WNT7B: variants seen among roughly 807,000 people sequenced by gnomAD.
WNT7B encodes the protein Wnt family member 7B.
A neutral mutation model predicts 38.2 loss-of-function variants in WNT7B; 19 were observed. That is an observed-to-expected ratio of 0.50 (90% CI 0.35 to 0.73). WNT7B has a LOEUF of 0.73. Ranked by LOEUF, WNT7B falls within the 30% of genes least tolerant of loss-of-function variation. The pLI is 0.01. For missense variants in WNT7B, 423 were observed against 507.9 expected, an observed-to-expected ratio of 0.83 and a Z score of 1.61; for synonymous variants, 243 against 209.3, an observed-to-expected ratio of 1.16 and a Z score of -1.39.
At chr22:45,956,828 C>G (rs1932073595) in intron 1 of WNT7B, among the ~76,000 whole-genome samples, 1 of 152,224 alleles carries the variant, frequency 6.6e-6, no homozygotes, top group African/African-American at 2.4e-5. Context: ...AAATCCCCGG[C>G]CAGGCGCGGT....
intron 3 of WNT7B, among the ~76,000 whole-genome samples, chr22:45,924,452 G>C (rs1412463698): frequency 1.3e-5 from 2 of 152,254 alleles, no homozygotes; most frequent in East Asian, 3.8e-4. Flanking sequence ...AAGGTGCTGC[G>C]GGAACCCAGG....
intron 1 of WNT7B, among the ~76,000 whole-genome samples, chr22:45,955,869 C>T (rs1202283753): frequency 6.6e-6 from 1 of 152,236 alleles, no homozygotes; most frequent in Non-Finnish European, 1.5e-5. Flanking sequence ...CAGAGGCCAG[C>T]AGAGGCCCAG....
intron 2 of WNT7B, among the ~76,000 whole-genome samples, chr22:45,943,964 C>A (rs1243990667): frequency 6.6e-6 from 1 of 152,180 alleles, no homozygotes; most frequent in Non-Finnish European, 1.5e-5. Flanking sequence ...CCCACGGAAC[C>A]CACGTGGGAA....
intron 2 of WNT7B, 41 bp from the exon 3 acceptor site, chr22:45,931,410 C>CAGAAGG (rs1427256505): frequency 1.3e-6 from 2 of 1,538,732 alleles, no homozygotes; most frequent in South Asian, 1.2e-5. Context: ...ACCCCAGGCC[C>CAGAAGG]TGGGCCAGGT....
intron 3 of WNT7B, 122 bp downstream of exon 3, chr22:45,930,975 AC>A: frequency 7.4e-7 from 1 of 1,351,974 alleles, no homozygotes; most frequent in Non-Finnish European, 9.8e-7. Context: ...AGACGGCCCC[AC>A]CCCCTGCACA....
At chr22:45,962,641 G>A (rs1569123917) in intron 1 of WNT7B, among the ~76,000 whole-genome samples, 1 of 152,212 alleles carries the variant, frequency 6.6e-6, no homozygotes, top group Non-Finnish European at 1.5e-5. Flanking sequence ...CCTTCCCCAG[G>A]TCTTACTCTG....
intron 3 of WNT7B, among the ~76,000 whole-genome samples, chr22:45,929,806 ACCCATCCATCTATCTT>A (rs1237262666): frequency 1.3e-5 from 2 of 149,306 alleles, no homozygotes; most frequent in South Asian, 2.1e-4. Flanking sequence ...TCAACCATCT[ACCCATCCATCTATCTT>A]CCCATGCACT....
chr22:45,965,889 C>T lies in WNT7B; in HGVS notation c.71+10795G>A, dbSNP rs1348390653. ...GAGGACAGGCAGGAAACGGGACACG[C>T]AACAGAGCCCGCCCAAGGCTGGAAA... is the stretch of plus-strand genomic sequence containing the variant. On this transcript the variant is annotated intron_variant, in intron 1 of 3. Transcript: ENST00000339464. This position sits in a 1 kb window ranked among gnomAD's most constrained non-coding sequence, Gnocchi z 6.5. 6.6e-6 allele frequency among the ~76,000 whole-genome samples: 1 copy of T among 152,192 alleles called. No homozygotes were observed. Among genetic ancestry groups the T allele is most frequent in the Non-Finnish European group, 1.5e-5 (1 of 68,044 alleles).
At chr22:45,947,584 G>A (rs531861140) in intron 2 of WNT7B, among the ~76,000 whole-genome samples, 2 of 152,322 alleles carry the variant, frequency 1.3e-5, no homozygotes, top group East Asian at 1.9e-4. Flanking sequence ...GGCAGAGCGG[G>A]GCGAGGGGGC....
intron 2 of WNT7B, among the ~76,000 whole-genome samples, chr22:45,943,091 GTGTT>G (rs1384337536): frequency 6.6e-6 from 1 of 151,782 alleles, no homozygotes; most frequent in African/African-American, 2.4e-5. Context: ...GTGTGTGCGT[GTGTT>G]TGTGTGTGTG....
At chr22:45,962,748 G>A (rs1932224591) in intron 1 of WNT7B, among the ~76,000 whole-genome samples, 1 of 152,236 alleles carries the variant, frequency 6.6e-6, no homozygotes, top group African/African-American at 2.4e-5. Flanking sequence ...CCCTAGCAAG[G>A]ATGGGAGTCC....
intron 1 of WNT7B, among the ~76,000 whole-genome samples, chr22:45,967,093 G>A (rs974190218): frequency 1.3e-5 from 2 of 152,210 alleles, no homozygotes. Context: ...AGGAAGGGGG[G>A]AGGGAGCGCA....
intron 3 of WNT7B, among the ~76,000 whole-genome samples, chr22:45,923,686 G>T (rs1475678093): frequency 1.3e-5 from 2 of 152,158 alleles, no homozygotes; most frequent in Non-Finnish European, 2.9e-5. Flanking sequence ...TTGGGGCTGT[G>T]GGACCTGCTG....
intron 2 of WNT7B, among the ~76,000 whole-genome samples, chr22:45,942,888 TGC>T (rs540790134): frequency 7.9e-4 from 119 of 151,446 alleles, no homozygotes; most frequent in African/African-American, 2.8e-3. Context: ...TGCATGTATG[TGC>T]GTGTGTGTGC....
At chr22:45,943,426 G>T (rs1228653990) in intron 2 of WNT7B, among the ~76,000 whole-genome samples, 1 of 152,270 alleles carries the variant, frequency 6.6e-6, no homozygotes, top group East Asian at 1.9e-4. Flanking sequence ...GGGACAGCAG[G>T]CTCCGAGTGG....
intron 1 of WNT7B, among the ~76,000 whole-genome samples, chr22:45,967,078 A>G (rs978813248): frequency 6.6e-6 from 1 of 152,160 alleles, no homozygotes; most frequent in Non-Finnish European, 1.5e-5. Context: ...CTGAGTGGGA[A>G]GACAAGGAAG....
chr22:45,943,238 A>C (rs10448589), intron 2 of WNT7B, among the ~76,000 whole-genome samples: 81,719 of 152,066 alleles, frequency 0.54, 24,479 homozygotes, highest in African/African-American at 0.81. Context: ...CCCCACCCGG[A>C]CCCCACCCGG....
rs1251554163 is a variant in WNT7B at position 45,966,101 on chromosome 22, G to T, written c.71+10583C>A. 6.6e-6 allele frequency among the ~76,000 whole-genome samples: 1 copy of T among 152,170 alleles called. No homozygotes were observed. The highest frequency in any genetic ancestry group is 1.5e-5 in the Non-Finnish European group (1 of 68,036). On this transcript the variant is annotated intron_variant, in intron 1 of 3. Coordinates refer to ENST00000339464, the MANE Select transcript of WNT7B (RefSeq NM_058238.3). The surrounding 1 kb of genome is among the most constrained non-coding windows in gnomAD (Gnocchi z 4.2). ...TCCCCTTCTCTGGCAGCCCGAGGGG[G>T]ACACAGATTCCAAAGCAGACCCTGG...
In WNT7B at chr22:45,949,815, G is replaced by A. The variant is rs758158038; in HGVS notation, c.298+105C>T. On this transcript the variant is annotated intron_variant, in intron 2 of 3. Coordinates refer to ENST00000339464, the MANE Select transcript of WNT7B (RefSeq NM_058238.3). ...GGAAGGCAAAGAAATTGGCCCCCCA[G>A]GAGATGTGTGCAGAACAGCGGCCTA... 142 of 1,141,792 alleles carry A rather than the reference G, an allele frequency of 1.2e-4. 1 individual carries two copies. Among genetic ancestry groups the A allele is most frequent in the South Asian group, 3.4e-4 (22 of 64,390 alleles). 70.7% of individuals were successfully genotyped at this position (1,141,792 alleles called of 1,614,324 possible).
Sources: gnomAD v4.1 joint callset for allele counts (sites outside exome capture counted in the v4.1 genomes callset) on GRCh38, gnomAD v4.1.1 for gene constraint, Gnocchi (gnomAD v3.1) non-coding constraint, MANE v1.5 for transcripts, NCBI Gene and HGNC (gene_info 2026-07-23, HGNC 2026-07-21) for gene names.